The following STIM2 variants were observed in gnomAD, a reference collection of about 807,000 sequenced individuals.
STIM2 encodes the protein stromal interaction molecule 2.
A neutral mutation model predicts 85.8 loss-of-function variants in STIM2; 31 were observed. That is an observed-to-expected ratio of 0.36 (90% CI 0.27 to 0.49). STIM2 has a LOEUF of 0.49. Ranked by LOEUF, STIM2 falls within the 20% of genes least tolerant of loss-of-function variation. The pLI is 0.98. For synonymous variants in STIM2, 356 were observed against 331.1 expected (o/e 1.08, Z -0.82); for missense variants, 841 against 927.6 (o/e 0.91, Z 1.21).
At chr4:26,891,565 ACAC>A (rs1560196969) in intron 1 of STIM2, among the ~76,000 whole-genome samples, 1 of 50,750 alleles carries the variant, frequency 2.0e-5, no homozygotes. Context: ...ACATACACAC[ACAC>A]ACACACACAC....
intron 1 of STIM2, among the ~76,000 whole-genome samples, chr4:26,872,219 C>T (rs1413275449): frequency 6.6e-6 from 1 of 151,852 alleles, no homozygotes; most frequent in Non-Finnish European, 1.5e-5. Context: ...TCTAAATAAC[C>T]GGACCATGAG....
chr4:26,860,926 T>G lies in STIM2; in HGVS notation c.-293T>G. The G allele has an allele frequency of 3.1e-5, 1 of 32,270 alleles. No individual in the cohort carries two copies. Among genetic ancestry groups the G allele is most frequent in the Non-Finnish European group, 4.0e-5 (1 of 25,072 alleles). The allele number at this position is 32,270 out of a possible 1,614,324, so 2.0% of individuals were successfully genotyped here. ...CGCCGTACCTTTCTACCCCCCACCT[T>G]TTTTTTTTTTTTTTTTAAATAACCG... is the stretch of plus-strand genomic sequence containing the variant. On this transcript the variant is annotated 5_prime_UTR_variant, in exon 1 of 12. Transcript: ENST00000467087.
At position 26,995,449 on chromosome 4, in the gene STIM2, G is replaced by C. The variant is rs566478508; in HGVS notation, c.468G>C (p.Lys156Asn). ...TTGTTGAACTACCCCAATATGAGAA[G>C]AATTTTAGAGACAACAATGTCAAAG... Residue 156 changes from lysine to asparagine, a missense_variant, in exon 4 of 12, where the codon AAG (lysine) becomes AAC (asparagine). Around this residue, in one of 3 missense-constraint regions of STIM2, gnomAD observed 408 missense variants for 525.4 expected, o/e 0.78. Transcript: ENST00000467087. 3 of 1,601,596 alleles carry C rather than the reference G, an allele frequency of 1.9e-6. No individual in the cohort carries two copies. Among genetic ancestry groups the C allele is most frequent in the Non-Finnish European group, 2.6e-6 (3 of 1,174,464 alleles).
chr4:26,974,651 C>T (rs1409778323), intron 3 of STIM2, among the ~76,000 whole-genome samples: 1 of 152,174 alleles, frequency 6.6e-6, no homozygotes, highest in Non-Finnish European at 1.5e-5. Flanking sequence ...CCCGACCTTT[C>T]TCTCTGGCTG....
At chr4:26,991,510 A>C (rs1240457704) in intron 3 of STIM2, among the ~76,000 whole-genome samples, 1 of 152,126 alleles carries the variant, frequency 6.6e-6, no homozygotes, top group African/African-American at 2.4e-5. Flanking sequence ...ATTTGATACT[A>C]AAGTAGGGAA....
intron 1 of STIM2, among the ~76,000 whole-genome samples, chr4:26,891,558 T>TACACACACACACAC (rs71643700): frequency 1.4e-5 from 2 of 144,540 alleles, no homozygotes; most frequent in African/African-American, 2.5e-5. Context: ...TATACATACA[T>TACACACACACACAC]ACACACACAC....
intron 2 of STIM2, among the ~76,000 whole-genome samples, chr4:26,927,756 TAAAA>T (rs200087744): frequency 1.7e-5 from 2 of 116,406 alleles, no homozygotes; most frequent in African/African-American, 6.4e-5. Flanking sequence ...GCTAAACCCT[TAAAA>T]AAAAAAATAT....
At chr4:26,928,144 C>CT (rs906587864) in intron 2 of STIM2, among the ~76,000 whole-genome samples, 1 of 151,836 alleles carries the variant, frequency 6.6e-6, no homozygotes, top group Non-Finnish European at 1.5e-5. Context: ...GTAACTTGCC[C>CT]TTTTATAAGG....
chr4:26,863,594 G>C (rs922962431), intron 1 of STIM2, among the ~76,000 whole-genome samples: 5 of 152,042 alleles, frequency 3.3e-5, no homozygotes, highest in Non-Finnish European at 5.9e-5. Context: ...GCAAAGCCTA[G>C]AACCTAATTT....
chr4:26,864,271 G>T (rs1247163989), intron 1 of STIM2, among the ~76,000 whole-genome samples: 2 of 152,054 alleles, frequency 1.3e-5, no homozygotes, highest in Non-Finnish European at 2.9e-5. Flanking sequence ...TATATTTAGG[G>T]CACTTACTTT....
chr4:26,863,669 G>A (rs1722299186), intron 1 of STIM2, among the ~76,000 whole-genome samples: 1 of 152,032 alleles, frequency 6.6e-6, no homozygotes, highest in Non-Finnish European at 1.5e-5. Flanking sequence ...ACTGTGGTGT[G>A]GTATCATATT....
At chr4:26,884,367 A>G (rs1723133238) in intron 1 of STIM2, among the ~76,000 whole-genome samples, 1 of 152,270 alleles carries the variant, frequency 6.6e-6, no homozygotes, top group African/African-American at 2.4e-5. Flanking sequence ...TGTTTGCCAC[A>G]TAATAACTCT....
At chr4:26,985,482 AAC>A (rs1727549495) in intron 3 of STIM2, among the ~76,000 whole-genome samples, 2 of 152,324 alleles carry the variant, frequency 1.3e-5, no homozygotes, top group East Asian at 3.9e-4. Context: ...ACATTCCAAT[AAC>A]ACAAATATTT....
At chr4:26,930,277 A>T (rs145041336) in intron 2 of STIM2, among the ~76,000 whole-genome samples, 6 of 152,304 alleles carry the variant, frequency 3.9e-5, no homozygotes, top group African/African-American at 1.4e-4. Flanking sequence ...ACAGCAGTGG[A>T]GTTCACATTG....
Position 26,939,081 on chromosome 4 carries a change from T to C in STIM2, c.283-18531T>C, listed in dbSNP as rs1024368272. Among the ~76,000 whole-genome samples the C allele has an allele frequency of 3.9e-5, 6 of 152,324 alleles. No homozygotes were observed. The South Asian group carries it at 6.2e-4, about 16-fold the overall frequency. ...ATTTAGTTCATTTACTAGGACCTCA[T>C]ACCCTGCTTGTTCCCTGTATTTTGG... On this transcript the variant is annotated intron_variant, in intron 2 of 11. Coordinates refer to ENST00000467087, the MANE Select transcript of STIM2 (RefSeq NM_020860.4).
At chr4:27,010,907 C>T (rs979439694) in intron 10 of STIM2, among the ~76,000 whole-genome samples, 2 of 152,058 alleles carry the variant, frequency 1.3e-5, no homozygotes, top group African/African-American at 2.4e-5. Context: ...ATGTCTTTTC[C>T]TATTCTTAAA....
In STIM2 at chr4:27,017,693, T is replaced by C. The variant is rs757114998; in HGVS notation, c.1490-18T>C. The C allele has an allele frequency of 3.1e-6, 5 of 1,611,842 alleles. No individual in the cohort carries two copies. In the East Asian group the frequency reaches 1.1e-4, roughly 36 times the overall value. On this transcript the variant is annotated intron_variant, in intron 10 of 11. Transcript: ENST00000467087. ...ACCCTGGACTTCATGAGCATGTTTC[T>C]TTCTTGGTGTTTTTCAGGGACCATG...
chr4:26,986,119 C>T (rs571541213), intron 3 of STIM2, among the ~76,000 whole-genome samples: 2 of 152,282 alleles, frequency 1.3e-5, no homozygotes, highest in South Asian at 4.1e-4. Flanking sequence ...GTGGCTTAAA[C>T]TCTGAGCTTC....
At chr4:26,909,865 G>C (rs1724266722) in intron 1 of STIM2, among the ~76,000 whole-genome samples, 1 of 152,166 alleles carries the variant, frequency 6.6e-6, no homozygotes, top group Admixed American at 6.5e-5. Flanking sequence ...TAATGAAAAT[G>C]TTAGTAGCAT....
Sources: allele counts gnomAD v4.1 joint callset (sites outside exome capture counted in the v4.1 genomes callset), GRCh38; gene constraint gnomAD v4.1.1; regional missense constraint gnomAD v4.1.1; transcripts MANE v1.5; gene names NCBI Gene and HGNC (gene_info 2026-07-23, HGNC 2026-07-21).